GABRB1: variants seen among roughly 807,000 people sequenced by gnomAD.
The protein encoded by GABRB1 is gamma-aminobutyric acid receptor subunit beta-1.
Under a neutral mutation model 51.6 loss-of-function variants are expected in GABRB1, and 17 were observed. The ratio of observed to expected loss-of-function variants is 0.33; its 90% CI spans 0.23 to 0.49. GABRB1 has a LOEUF of 0.49. Among genes scored for constraint, GABRB1 ranks in the 20% least tolerant of loss-of-function variants. The probability of loss-of-function intolerance (pLI) is 0.99; values close to 1 mark genes in which losing one functional copy is unlikely to be tolerated. For missense variants in GABRB1, 410 were observed against 600.6 expected, an observed-to-expected ratio of 0.68 and a Z score of 3.32; for synonymous variants, 247 against 218.9, an observed-to-expected ratio of 1.13 and a Z score of -1.14.
At chr4:47,046,862 G>A (rs921635167) in intron 3 of GABRB1, among the ~76,000 whole-genome samples, 2 of 152,018 alleles carry the variant, frequency 1.3e-5, no homozygotes, top group Non-Finnish European at 2.9e-5. Context: ...TGAGCTAGAG[G>A]CCATTATCCT....
At chr4:47,187,158 T>C (rs1319306379) in intron 4 of GABRB1, among the ~76,000 whole-genome samples, 10 of 151,874 alleles carry the variant, frequency 6.6e-5, no homozygotes, top group Admixed American at 6.6e-4. Context: ...AGCTTACCTA[T>C]GATCCCCTTA....
chr4:47,239,188 A>T (rs1351946791), intron 4 of GABRB1, among the ~76,000 whole-genome samples: 1 of 152,202 alleles, frequency 6.6e-6, no homozygotes, highest in Non-Finnish European at 1.5e-5. Flanking sequence ...CTCAATCAAG[A>T]TACTGAATAT....
At chr4:47,355,495 A>G (rs1014088872) in intron 5 of GABRB1, among the ~76,000 whole-genome samples, 1 of 152,172 alleles carries the variant, frequency 6.6e-6, no homozygotes. Context: ...AACCTTAGAA[A>G]GAATGTGAAG....
At chr4:47,096,754 G>A (rs531805019) in intron 3 of GABRB1, among the ~76,000 whole-genome samples, 16 of 152,282 alleles carry the variant, frequency 1.1e-4, no homozygotes, top group African/African-American at 3.4e-4. Flanking sequence ...TCAGAGATGT[G>A]ATGTTGCAAA....
intron 3 of GABRB1, among the ~76,000 whole-genome samples, chr4:47,119,154 T>C (rs9997150): frequency 0.015 from 2,282 of 152,208 alleles, 50 homozygotes; most frequent in African/African-American, 0.052. Flanking sequence ...AAATTTGGCA[T>C]AGAATGGAGA....
At chr4:47,214,691 T>C (rs1184204030) in intron 4 of GABRB1, among the ~76,000 whole-genome samples, 1 of 152,170 alleles carries the variant, frequency 6.6e-6, no homozygotes, top group Non-Finnish European at 1.5e-5. Flanking sequence ...CGAAAAATGC[T>C]TCTCCCCAAA....
chr4:47,210,362 G>A (rs981081375), intron 4 of GABRB1, among the ~76,000 whole-genome samples: 2 of 152,132 alleles, frequency 1.3e-5, no homozygotes, highest in African/African-American at 2.4e-5. Context: ...TAGCTGAAAT[G>A]TATTTATAGA....
chr4:47,301,271 C>T (rs992878400), intron 4 of GABRB1, among the ~76,000 whole-genome samples: 2 of 152,072 alleles, frequency 1.3e-5, no homozygotes, highest in African/African-American at 4.8e-5. Context: ...AGTAGATTAC[C>T]TCCAAAATGG....
rs116264142 is a variant in GABRB1, at chr4:47,368,027, T to C, written c.545-35291T>C. Reference sequence around the variant, plus strand: ...CTTTCCATAACTAGAACCCTAAAGATGAATCATGTTGCTACCCATGGTTAT... The same window carrying C: ...CTTTCCATAACTAGAACCCTAAAGACGAATCATGTTGCTACCCATGGTTAT... On this transcript the variant is annotated intron_variant, in intron 5 of 8. Coordinates refer to ENST00000295454, the MANE Select transcript of GABRB1 (RefSeq NM_000812.4). Among the ~76,000 whole-genome samples the C allele has an allele frequency of 5.2e-3, 787 of 152,256 alleles. 2 individuals are homozygous for C. Among genetic ancestry groups the C allele is most frequent in the African/African-American group, 0.018 (765 of 41,536 alleles).
intron 4 of GABRB1, among the ~76,000 whole-genome samples, chr4:47,235,097 T>C (rs1721279976): frequency 6.6e-6 from 1 of 152,206 alleles, no homozygotes; most frequent in South Asian, 2.1e-4. Flanking sequence ...CACAACTTTA[T>C]CTAGATCATA....
At chr4:47,230,642 A>G (rs1035129297) in intron 4 of GABRB1, among the ~76,000 whole-genome samples, 1 of 152,192 alleles carries the variant, frequency 6.6e-6, no homozygotes, top group Non-Finnish European at 1.5e-5. Context: ...CTTGCTAAGT[A>G]TTTTCTCTTA....
chr4:47,374,002 A>G (rs981776273), intron 5 of GABRB1, among the ~76,000 whole-genome samples: 1 of 152,230 alleles, frequency 6.6e-6, no homozygotes, highest in Non-Finnish European at 1.5e-5. Context: ...TCAGCAGTTT[A>G]TTAATCACAA....
intron 4 of GABRB1, among the ~76,000 whole-genome samples, chr4:47,250,358 G>A (rs891325395): frequency 1.8e-4 from 27 of 152,104 alleles, no homozygotes; most frequent in Non-Finnish European, 3.1e-4. Context: ...AGGTTACCTG[G>A]AGCTTCTGTC....
At chr4:47,016,789 C>T (rs977307253) in intron 1 of GABRB1, among the ~76,000 whole-genome samples, 1 of 152,004 alleles carries the variant, frequency 6.6e-6, no homozygotes, top group South Asian at 2.1e-4. Context: ...AGGGTTTCAC[C>T]TTATGGGCCA....
At chr4:47,277,144 T>C (rs1406218067) in intron 4 of GABRB1, among the ~76,000 whole-genome samples, 2 of 152,116 alleles carry the variant, frequency 1.3e-5, no homozygotes, top group Admixed American at 1.3e-4. Context: ...TTGAGACTTG[T>C]AACCAATAAA....
At chr4:47,224,072 C>A (rs1018771455) in intron 4 of GABRB1, among the ~76,000 whole-genome samples, 1 of 151,910 alleles carries the variant, frequency 6.6e-6, no homozygotes, top group Non-Finnish European at 1.5e-5. Flanking sequence ...AGTTTAAAGA[C>A]TTTATGAACT....
intron 1 of GABRB1, among the ~76,000 whole-genome samples, chr4:47,004,512 C>T (rs1724328283): frequency 6.6e-6 from 1 of 151,972 alleles, no homozygotes; most frequent in African/African-American, 2.4e-5. Flanking sequence ...GCATGCAATG[C>T]ATAATATTAA....
intron 4 of GABRB1, among the ~76,000 whole-genome samples, chr4:47,284,863 AAG>A (rs1723448433): frequency 6.6e-6 from 1 of 152,236 alleles, no homozygotes; most frequent in South Asian, 2.1e-4. Flanking sequence ...TAATGAAGAA[AAG>A]AGATAGTTTT....
intron 4 of GABRB1, among the ~76,000 whole-genome samples, chr4:47,313,023 A>G (rs1185933903): frequency 6.6e-6 from 1 of 152,190 alleles, no homozygotes; most frequent in African/African-American, 2.4e-5. Context: ...ATTAACCTTA[A>G]TAAATGAATA....
Sources: allele counts gnomAD v4.1 joint callset (sites outside exome capture counted in the v4.1 genomes callset), GRCh38; gene constraint gnomAD v4.1.1; transcripts MANE v1.5; gene names NCBI Gene and HGNC (gene_info 2026-07-23, HGNC 2026-07-21).